Variants in RNF17 observed in about 807,000 individuals in gnomAD.
The protein encoded by RNF17 is ring finger protein 17.
A neutral mutation model predicts 200.5 loss-of-function variants in RNF17; 31 were observed. The ratio of observed to expected loss-of-function variants is 0.15; its 90% CI spans 0.12 to 0.21. The LOEUF (loss-of-function observed/expected upper bound fraction) is 0.21, where lower values mean the gene tolerates loss of function less well. RNF17 is among the 10% of genes least tolerant of loss of function. The pLI is 1.00. For missense variants in RNF17, 1,628 were observed against 1,905.1 expected (o/e 0.85, Z 2.71); for synonymous variants, 606 against 637.8 (o/e 0.95, Z 0.75).
chr13:24,813,151 A>G (rs998176182), intron 15 of RNF17, among the ~76,000 whole-genome samples: 1 of 148,118 alleles, frequency 6.8e-6, no homozygotes, highest in African/African-American at 2.4e-5. Flanking sequence ...AATGTTTAAA[A>G]CTTTTTATTT....
At chr13:24,796,798 A>G (rs529877469) in intron 11 of RNF17, among the ~76,000 whole-genome samples, 9 of 152,074 alleles carry the variant, frequency 5.9e-5, no homozygotes, top group African/African-American at 1.2e-4. Context: ...GGCTTTTGTT[A>G]CGAGTATTTT....
intron 15 of RNF17, among the ~76,000 whole-genome samples, chr13:24,812,566 C>G (rs534969631): frequency 6.6e-6 from 1 of 151,506 alleles, no homozygotes; most frequent in Non-Finnish European, 1.5e-5. Flanking sequence ...GAGATGAACC[C>G]GGTACCTCAG....
the RNF17 span, among the ~76,000 whole-genome samples, chr13:24,747,788 A>C: frequency 1.3e-5 from 2 of 152,270 alleles, no homozygotes; most frequent in Non-Finnish European, 2.9e-5. Context: ...CTGGCCGCCC[A>C]ACGCAGCATT....
At chr13:24,883,222 T>A (rs1481370691), downstream of RNF17, 1 of 1,613,982 alleles carries the variant, frequency 6.2e-7, no homozygotes, top group Non-Finnish European at 8.5e-7. Flanking sequence ...TGTCCTTAAC[T>A]CTTATCCGAC....
At chr13:24,816,924 GC>G (rs35786487) in intron 15 of RNF17, among the ~76,000 whole-genome samples, 18,844 of 152,236 alleles carry the variant, frequency 0.12, 1,268 homozygotes, top group Admixed American at 0.15. Flanking sequence ...CTCCTCTAGA[GC>G]CTTGTCGGGG....
At chr13:24,789,837 C>A in intron 9 of RNF17, 65 bp downstream of exon 9, 1 of 902,266 alleles carries the variant, frequency 1.1e-6, no homozygotes. Flanking sequence ...ATCTAAGAGA[C>A]AGAAGAATTG....
the RNF17 span, among the ~76,000 whole-genome samples, chr13:24,748,079 T>A: frequency 6.6e-6 from 1 of 152,324 alleles, no homozygotes; most frequent in East Asian, 1.9e-4. Context: ...GATCCGAGCT[T>A]TAACATTTTC....
At chr13:24,863,134 G>A (rs1051243634) in intron 28 of RNF17, among the ~76,000 whole-genome samples, 2 of 152,126 alleles carry the variant, frequency 1.3e-5, no homozygotes, top group Non-Finnish European at 2.9e-5. Flanking sequence ...GCACTGTCTC[G>A]GGTCCAGGTA....
chr13:24,884,059 T>C (rs760896734), downstream of RNF17: 20 of 1,613,670 alleles, frequency 1.2e-5, no homozygotes, highest in South Asian at 2.2e-4. Context: ...CGTGATTTCT[T>C]TTCTTCCATC....
At chr13:24,856,380 A>G (rs1329813041) in intron 25 of RNF17, among the ~76,000 whole-genome samples, 1 of 147,186 alleles carries the variant, frequency 6.8e-6, no homozygotes, top group African/African-American at 2.5e-5. Context: ...AGATTGCGCC[A>G]CTGCACTCCA....
chr13:24,827,328 T>C (rs1444165250), intron 16 of RNF17, among the ~76,000 whole-genome samples: 1 of 152,136 alleles, frequency 6.6e-6, no homozygotes. Context: ...TATAATCAGT[T>C]CTGTTTGTAT....
chr13:24,786,081 G>A (rs1225270017), intron 6 of RNF17, among the ~76,000 whole-genome samples: 1 of 151,980 alleles, frequency 6.6e-6, no homozygotes, highest in Non-Finnish European at 1.5e-5. Flanking sequence ...TGGCTTATTT[G>A]TTGTTGCTTA....
At chr13:24,881,819 TATAGATACATCTATATAG>T (rs1953832095), downstream of RNF17, among the ~76,000 whole-genome samples, 1 of 131,276 alleles carries the variant, frequency 7.6e-6, no homozygotes, top group Non-Finnish European at 1.6e-5. Context: ...TATCTATCTA[TATAGATACATCTATATAG>T]ATATATAGAT....
At chr13:24,799,349 T>G (rs761461957) in intron 11 of RNF17, 46 bp from the exon 12 acceptor site, 1 of 1,456,904 alleles carries the variant, frequency 6.9e-7, no homozygotes, top group Non-Finnish European at 9.5e-7. Context: ...ATGAAGTGGC[T>G]TTTATTGATA....
chr13:24,767,502 C>T, intron 2 of RNF17, 136 bp downstream of exon 2: 1 of 599,570 alleles, frequency 1.7e-6, no homozygotes, highest in Non-Finnish European at 2.9e-6. Flanking sequence ...GTAATCCCAG[C>T]ACTTTTGGAG....
chr13:24,778,394 A>C lies in RNF17; in HGVS notation c.417A>C (p.Ser139=). The C allele has an allele frequency of 6.2e-7, 1 of 1,609,492 alleles. No homozygotes were observed. Among genetic ancestry groups the C allele is most frequent in the Admixed American group, 1.7e-5 (1 of 59,992 alleles). ...CAGACAAGACTCTTTTGAACTCATC[A>C]GCTGTAATGTTGGTATGAAACATAT... is the stretch of plus-strand genomic sequence containing the variant. ...ASTDKTLLNS[S]AVMLDTNTAE... The change falls in exon 4 of 36, where the codon TCA becomes TCC. Residue 139 remains serine (S), a synonymous_variant. Transcript: ENST00000255324.
At chr13:24,806,737 C>T (rs919100430) in intron 15 of RNF17, among the ~76,000 whole-genome samples, 41 of 151,164 alleles carry the variant, frequency 2.7e-4, no homozygotes, top group African/African-American at 5.1e-4. Context: ...CATGCTGGTG[C>T]GCTGCACCCA....
rs374768828 is a variant in RNF17 at position 24,796,038 on chromosome 13, C to T, written c.1241-99C>T. 1.1e-5 allele frequency: 9 copies of T among 849,100 alleles called. No homozygotes were observed. In the East Asian group the frequency reaches 1.3e-4, roughly 13 times the overall value. 52.6% of individuals were successfully genotyped at this position (849,100 alleles called of 1,614,324 possible). On this transcript the variant is annotated intron_variant, in intron 10 of 35. Transcript: ENST00000255324. ...TGCGATATTCCCAGAGTTCACAATG[C>T]CATAAGACACTCTTTTAGAGGCTAT...
At chr13:24,883,971 T>C, downstream of RNF17, 1 of 1,614,166 alleles carries the variant, frequency 6.2e-7, no homozygotes, top group Non-Finnish European at 8.5e-7. Context: ...ACCGTTGTAC[T>C]CTGACAATTG....
Sources: gnomAD v4.1 joint callset for allele counts (sites outside exome capture counted in the v4.1 genomes callset) on GRCh38, gnomAD v4.1.1 for gene constraint, MANE v1.5 for transcripts, NCBI Gene and HGNC (gene_info 2026-07-23, HGNC 2026-07-21) for gene names.